The following MYO1E variants were observed in gnomAD, a reference collection of about 807,000 sequenced individuals.
MYO1E encodes unconventional myosin-Ie.
A neutral mutation model predicts 151.1 loss-of-function variants in MYO1E; 68 were observed. That is an observed-to-expected ratio of 0.45 (90% confidence interval 0.37 to 0.55). The LOEUF is 0.55. Among genes scored for constraint, MYO1E ranks in the 20% least tolerant of loss-of-function variants. The pLI, the probability that MYO1E is intolerant of heterozygous loss-of-function variation, is 0.00. For missense variants in MYO1E, 1,363 were observed against 1,389.3 expected (o/e 0.98, Z 0.30); for synonymous variants, 601 against 501.7 (o/e 1.20, Z -2.64).
chr15:59,181,800 G>T (rs1712860043), intron 18 of MYO1E, among the ~76,000 whole-genome samples: 1 of 152,246 alleles, frequency 6.6e-6, no homozygotes, highest in Non-Finnish European at 1.5e-5. Context: ...GGATAGTTGT[G>T]CTGGGTATTA....
At chr15:59,139,266 A>AC (rs151103673) in intron 26 of MYO1E, among the ~76,000 whole-genome samples, 42 of 37,226 alleles carry the variant, frequency 1.1e-3, no homozygotes, top group Non-Finnish European at 2.2e-3. Context: ...CTTCCCTCCC[A>AC]CCCCCTCATT....
chr15:59,194,803 C>T (rs779713432), intron 17 of MYO1E, among the ~76,000 whole-genome samples: 1 of 152,212 alleles, frequency 6.6e-6, no homozygotes, highest in Non-Finnish European at 1.5e-5. Context: ...CTCAATGCCG[C>T]CATTTCTTCC....
At chr15:59,301,691 A>G (rs578111843) in intron 1 of MYO1E, among the ~76,000 whole-genome samples, 2 of 152,326 alleles carry the variant, frequency 1.3e-5, no homozygotes, top group South Asian at 4.1e-4. Context: ...TGGCAGAGAG[A>G]AGAGGCTTAG....
At position 59,174,220 on chromosome 15, in the gene MYO1E, C is replaced by A; in HGVS notation, c.2070G>T (p.Met690Ile). ...CATACCCATCATACTTTCTCTCTCT[C>A]ATCTCTTCTAAAAGAAATAGCTGTG... Reference protein sequence around the residue: ...APESLFLLEEMRERKYDGYAR... With the variant: ...APESLFLLEEIRERKYDGYAR... The change falls in exon 20 of 28, where the codon ATG (methionine) becomes ATT (isoleucine). Residue 690 changes from methionine (M) to isoleucine (I), a missense_variant. By Grantham distance (10) the Met-to-Ile change is conservative (BLOSUM62 1). Transcript: ENST00000288235. The A allele has an allele frequency of 6.2e-7, 1 of 1,613,482 alleles. No homozygotes were observed.
intron 6 of MYO1E, among the ~76,000 whole-genome samples, chr15:59,229,082 C>G (rs6494078): frequency 0.51 from 77,723 of 151,968 alleles, 21,319 homozygotes; most frequent in East Asian, 0.77. Context: ...GCCACCTTCA[C>G]CACCCTTTCC....
intron 1 of MYO1E, among the ~76,000 whole-genome samples, chr15:59,359,287 ATAT>A (rs1256663076): frequency 2.7e-5 from 4 of 146,062 alleles, no homozygotes; most frequent in African/African-American, 1.0e-4. Flanking sequence ...ATACATATAT[ATAT>A]ATATGTATGT....
chr15:59,259,905 T>C (rs74413063), intron 3 of MYO1E, among the ~76,000 whole-genome samples: 1,656 of 152,318 alleles, frequency 0.011, 35 homozygotes, highest in African/African-American at 0.038. Context: ...ATTTTAGTAC[T>C]TCATCTCTCT....
chr15:59,247,058 T>C (rs2080134683), intron 4 of MYO1E, among the ~76,000 whole-genome samples: 1 of 152,156 alleles, frequency 6.6e-6, no homozygotes, highest in Non-Finnish European at 1.5e-5. Flanking sequence ...TAGCCAGGCA[T>C]GATGGTGCGC....
intron 16 of MYO1E, among the ~76,000 whole-genome samples, chr15:59,197,583 A>G (rs2079775588): frequency 6.6e-6 from 1 of 152,232 alleles, no homozygotes; most frequent in African/African-American, 2.4e-5. Context: ...CTGGGCCTTA[A>G]AGAAACAAAG....
At chr15:59,358,602 C>G (rs149042832) in intron 1 of MYO1E, among the ~76,000 whole-genome samples, 24 of 152,278 alleles carry the variant, frequency 1.6e-4, no homozygotes, top group South Asian at 6.2e-4. Flanking sequence ...TATTAAGGCC[C>G]AGCAATTTCT....
At position 59,231,389 on chromosome 15, in the gene MYO1E, G is replaced by C. The variant is rs143021478; in HGVS notation, c.510+313C>G. 3.3e-3 allele frequency among the ~76,000 whole-genome samples: 504 copies of C among 152,320 alleles called. 5 individuals carry two copies. The highest frequency in any genetic ancestry group is 5.2e-3 in the Non-Finnish European group (354 of 68,022). On this transcript the variant is annotated intron_variant, in intron 6 of 27. Transcript: ENST00000288235. ...TCTAGTTATTTCTTGGTCTGGGAAA[G>C]AAGGTCTTTTCTCTAGGGCATAAAG...
chr15:59,192,124 T>C (rs774446251), intron 17 of MYO1E, among the ~76,000 whole-genome samples: 3 of 151,882 alleles, frequency 2.0e-5, no homozygotes, highest in Non-Finnish European at 4.4e-5. Flanking sequence ...ATGGATGGAG[T>C]GAAACCATTT....
At position 59,272,294 on chromosome 15, in the gene MYO1E, A is replaced by G. The variant is rs2140382225; in HGVS notation, c.147+12T>C. On this transcript the variant is annotated intron_variant, in intron 2 of 27. Transcript: ENST00000288235. ...TCACTTAGAAATGTCCAAAGCAGCC[A>G]ATAAAGGATACAAAAATGTAGTCAT... The G allele has an allele frequency of 6.2e-7, 1 of 1,613,884 alleles. No individual in the cohort carries two copies. Among genetic ancestry groups the G allele is most frequent in the Non-Finnish European group, 8.5e-7 (1 of 1,179,816 alleles).
intron 1 of MYO1E, among the ~76,000 whole-genome samples, chr15:59,340,765 T>G (rs748515046): frequency 1.8e-4 from 28 of 152,248 alleles, no homozygotes; most frequent in Non-Finnish European, 3.7e-4. Context: ...GGCTCATGCC[T>G]GTAATCCCAG....
chr15:59,354,893 AC>A (rs1465264295), intron 1 of MYO1E, among the ~76,000 whole-genome samples: 1 of 152,112 alleles, frequency 6.6e-6, no homozygotes, highest in Non-Finnish European at 1.5e-5. Context: ...GCCCCACCGA[AC>A]CACTAATATC....
At chr15:59,371,435 A>ATT (rs66673127) in intron 1 of MYO1E, among the ~76,000 whole-genome samples, 104,413 of 148,246 alleles carry the variant, frequency 0.7, 39,796 homozygotes, top group Non-Finnish European at 0.86. Flanking sequence ...CTTGTAATAG[A>ATT]TTTTTTTTTT....
intron 1 of MYO1E, among the ~76,000 whole-genome samples, chr15:59,294,242 T>C (rs1223648515): frequency 1.3e-5 from 2 of 152,226 alleles, no homozygotes; most frequent in Non-Finnish European, 2.9e-5. Context: ...GTGTGAGTTC[T>C]ATCTCATGAT....
chr15:59,288,632 T>C (rs1224012125), intron 1 of MYO1E, among the ~76,000 whole-genome samples: 1 of 152,226 alleles, frequency 6.6e-6, no homozygotes, highest in Non-Finnish European at 1.5e-5. Context: ...GGATGTATGA[T>C]ATTTCAAGAA....
intron 1 of MYO1E, among the ~76,000 whole-genome samples, chr15:59,279,849 C>G (rs751864880): frequency 4.6e-5 from 7 of 152,202 alleles, no homozygotes; most frequent in Non-Finnish European, 8.8e-5. Context: ...TTTATATGCA[C>G]TATCTCTGTA....
Sources: allele counts gnomAD v4.1 joint callset (sites outside exome capture counted in the v4.1 genomes callset), GRCh38; gene constraint gnomAD v4.1.1; transcripts MANE v1.5; gene names NCBI Gene and HGNC (gene_info 2026-07-23, HGNC 2026-07-21).